The following SLC35A1 variants were observed in gnomAD, a reference collection of about 807,000 sequenced individuals.
SLC35A1 encodes the protein solute carrier family 35 member A1.
In SLC35A1, 21 loss-of-function variants were observed where a neutral mutation model predicts 40.3. The ratio of observed to expected loss-of-function variants is 0.52; its 90% CI spans 0.37 to 0.75. The LOEUF (loss-of-function observed/expected upper bound fraction) is 0.75, where lower values mean the gene tolerates loss of function less well. Ranked by LOEUF, SLC35A1 falls within the 30% of genes least tolerant of loss-of-function variation. The pLI is 0.00. For missense variants in SLC35A1, 297 were observed against 382.1 expected (o/e 0.78, Z 1.86); for synonymous variants, 146 against 147.3 (o/e 0.99, Z 0.06).
intron 2 of SLC35A1, among the ~76,000 whole-genome samples, chr6:87,481,750 T>G (rs1769251792): frequency 6.6e-6 from 1 of 152,196 alleles, no homozygotes; most frequent in African/African-American, 2.4e-5. Flanking sequence ...TAAAGAGCAG[T>G]TTAGTGTTTT....
rs552634965 is a variant in SLC35A1, at chr6:87,511,700, C to A, written c.*174C>A. 30 of 706,286 alleles carry A rather than the reference C, an allele frequency of 4.2e-5. No individual in the cohort carries two copies. The highest frequency in any genetic ancestry group is 3.7e-4 in the African/African-American group (21 of 56,666). The allele number at this position is 706,286 out of a possible 1,614,324, so 43.8% of individuals were successfully genotyped here. A position where few individuals can be genotyped will look rare whatever the true frequency, so the allele number is the denominator to read the frequency against. On this transcript the variant is annotated 3_prime_UTR_variant, in exon 8 of 8. Coordinates refer to ENST00000369552, the MANE Select transcript of SLC35A1 (RefSeq NM_006416.5). ...AAGCTATCTGAGTGAACTGCTAATACAGAAACTTAATGTAGACCTGTTTGG... is the reference window on the plus strand; with the variant it reads ...AAGCTATCTGAGTGAACTGCTAATAAAGAAACTTAATGTAGACCTGTTTGG...
intron 7 of SLC35A1, among the ~76,000 whole-genome samples, chr6:87,509,887 A>G (rs1325298710): frequency 6.6e-6 from 1 of 152,170 alleles, no homozygotes; most frequent in Non-Finnish European, 1.5e-5. Context: ...TTCTTTACTG[A>G]TCAATTATTA....
intron 2 of SLC35A1, among the ~76,000 whole-genome samples, chr6:87,483,668 C>G (rs2127965700): frequency 6.6e-6 from 1 of 152,226 alleles, no homozygotes; most frequent in East Asian, 1.9e-4. Flanking sequence ...AGGCTCAACC[C>G]CTCAAACCAG....
intron 5 of SLC35A1, 138 bp downstream of exon 5, chr6:87,506,586 G>A: frequency 4.0e-6 from 3 of 757,328 alleles, no homozygotes; most frequent in Non-Finnish European, 4.6e-6. Context: ...TTAGTTTTAT[G>A]TCAGCTGTTT....
At chr6:87,483,163 GTCTCTCTCTC>G (rs902232733) in intron 2 of SLC35A1, among the ~76,000 whole-genome samples, 1 of 151,272 alleles carries the variant, frequency 6.6e-6, no homozygotes, top group South Asian at 2.1e-4. Flanking sequence ...ACTTCTCTCT[GTCTCTCTCTC>G]TCTCTTTCTC....
rs959476187 is a variant in SLC35A1, at chr6:87,506,593, GT to G, written c.574+150del. ...GCTTATATTTAGTTTTATGTCAGCTGTTTTTCCAGTAAATGTATAGCATTGT... is the reference window on the plus strand; with the variant it reads ...GCTTATATTTAGTTTTATGTCAGCTGTTTTCCAGTAAATGTATAGCATTGT... On this transcript the variant is annotated intron_variant, in intron 5 of 7. Coordinates refer to ENST00000369552, the MANE Select transcript of SLC35A1 (RefSeq NM_006416.5). 8.3e-6 allele frequency: 6 copies of G among 725,692 alleles called. No individual in the cohort carries two copies. The African/African-American group carries it at 1.1e-4, about 13-fold the overall frequency. The allele number at this position is 725,692 out of a possible 1,614,324, so 45.0% of individuals were successfully genotyped here.
At chr6:87,474,254 C>T (rs552884046) in intron 1 of SLC35A1, among the ~76,000 whole-genome samples, 5 of 152,204 alleles carry the variant, frequency 3.3e-5, no homozygotes, top group African/African-American at 1.2e-4. Flanking sequence ...GTAATCCTAA[C>T]AAAACTACAG....
intron 5 of SLC35A1, 50 bp downstream of exon 5, chr6:87,506,498 A>G (rs767537005): frequency 4.8e-6 from 7 of 1,462,672 alleles, no homozygotes; most frequent in Non-Finnish European, 5.8e-6. Context: ...TTTCGAAAAC[A>G]TCAAACTTTA....
At chr6:87,477,333 G>A in intron 1 of SLC35A1, 29 bp from the exon 2 acceptor site, 1 of 1,579,918 alleles carries the variant, frequency 6.3e-7, no homozygotes, top group Non-Finnish European at 8.7e-7. Context: ...TGTCTACTAA[G>A]TAATGTCTTT....
chr6:87,483,211 T>TTCTC (rs908540506), intron 2 of SLC35A1, among the ~76,000 whole-genome samples: 15 of 150,538 alleles, frequency 1.0e-4, no homozygotes, highest in Non-Finnish European at 2.2e-4. Flanking sequence ...CTCTTTCTCT[T>TTCTC]TCTCTCTCTC....
chr6:87,505,740 C>T (rs1046246704), intron 4 of SLC35A1, among the ~76,000 whole-genome samples: 5 of 152,220 alleles, frequency 3.3e-5, no homozygotes, highest in African/African-American at 9.7e-5. Flanking sequence ...CAATAACTAA[C>T]TCATTCCCTC....
chr6:87,501,292 C>T lies in SLC35A1; in HGVS notation c.489C>T (p.Ala163=), dbSNP rs1769916847. The change falls in exon 4 of 8, where the codon GCC becomes GCT. Residue 163 remains alanine, a synonymous_variant. Coordinates refer to ENST00000369552, the MANE Select transcript of SLC35A1 (RefSeq NM_006416.5). The stretch of plus-strand genomic sequence containing the variant: ...TTACGCTTGTACAGTGGAAACCAGC[C>T]CAAGCTACAAAAGTGGTGGTAAGAA... ...AGVTLVQWKP[A]QATKVVVEQN... 2 of 1,613,666 alleles carry T rather than the reference C, an allele frequency of 1.2e-6. No homozygotes were observed. The highest frequency in any genetic ancestry group is 1.7e-6 in the Non-Finnish European group (2 of 1,179,892).
chr6:87,491,225 C>G (rs1390128838), intron 2 of SLC35A1, among the ~76,000 whole-genome samples: 1 of 152,172 alleles, frequency 6.6e-6, no homozygotes, highest in Non-Finnish European at 1.5e-5. Flanking sequence ...CCAAAGGGCT[C>G]TAATGAGCAT....
chr6:87,509,091 GACA>G lies in SLC35A1; in HGVS notation c.806_808del (p.Asn269del). 6.2e-7 allele frequency: 1 copy of G among 1,614,048 alleles called. No homozygotes were observed. The highest frequency in any genetic ancestry group is 8.5e-7 in the Non-Finnish European group (1 of 1,179,898). ...CACTTCTGTTGTGGTTAAGTACACA[GACA>G]ACATCATGAAAGGCTTTTCTGCAGC... On this transcript the variant is annotated inframe_deletion, in exon 7 of 8. Transcript: ENST00000369552.
chr6:87,491,667 A>C (rs1769556211), intron 2 of SLC35A1, among the ~76,000 whole-genome samples: 1 of 152,204 alleles, frequency 6.6e-6, no homozygotes, highest in Admixed American at 6.5e-5. Context: ...CAGTTGGCTC[A>C]AGCAACATTT....
chr6:87,476,135 C>G (rs1769062462), intron 1 of SLC35A1, among the ~76,000 whole-genome samples: 2 of 152,118 alleles, frequency 1.3e-5, no homozygotes, highest in African/African-American at 4.8e-5. Context: ...GAGATGGCTG[C>G]TGCTCAGATA....
chr6:87,506,248 T>C lies in SLC35A1; in HGVS notation c.508-134T>C. ...GTCTTTTTGTTTAGTTGTCTTATTC[T>C]GTAGAATAGCTGTGTCTGATGTGGA... is the stretch of plus-strand genomic sequence containing the variant. On this transcript the variant is annotated intron_variant, in intron 4 of 7. Coordinates refer to ENST00000369552, the MANE Select transcript of SLC35A1 (RefSeq NM_006416.5). The C allele has an allele frequency of 5.5e-6, 4 of 731,068 alleles. No individual in the cohort carries two copies. The South Asian group carries it at 6.3e-5, about 12-fold the overall frequency. The allele number at this position is 731,068 out of a possible 1,614,324, so 45.3% of individuals were successfully genotyped here.
At chr6:87,484,549 C>G (rs1769340731) in intron 2 of SLC35A1, among the ~76,000 whole-genome samples, 1 of 152,052 alleles carries the variant, frequency 6.6e-6, no homozygotes, top group Non-Finnish European at 1.5e-5. Flanking sequence ...TAAACTAATT[C>G]CGATTGGCTA....
intron 4 of SLC35A1, among the ~76,000 whole-genome samples, chr6:87,502,044 A>G (rs572700587): frequency 1.3e-5 from 2 of 152,268 alleles, no homozygotes; most frequent in South Asian, 4.1e-4. Context: ...CAAACAGACT[A>G]TGGTTCTCTT....
Sources: allele counts gnomAD v4.1 joint callset (sites outside exome capture counted in the v4.1 genomes callset), GRCh38; gene constraint gnomAD v4.1.1; transcripts MANE v1.5; gene names NCBI Gene and HGNC (gene_info 2026-07-23, HGNC 2026-07-21).